GTF2E2: variants seen among roughly 807,000 people sequenced by gnomAD.
GTF2E2 encodes general transcription factor IIE subunit 2.
A neutral mutation model predicts 40.5 loss-of-function variants in GTF2E2; 21 were observed. The ratio of observed to expected loss-of-function variants is 0.52; its 90% CI spans 0.37 to 0.75. The LOEUF (loss-of-function observed/expected upper bound fraction) is 0.75, where lower values mean the gene tolerates loss of function less well. Ranked by LOEUF, GTF2E2 falls within the 30% of genes least tolerant of loss-of-function variation. GTF2E2 has a pLI of 0.00. For synonymous variants in GTF2E2, 117 were observed against 121.6 expected (o/e 0.96, Z 0.25); for missense variants, 298 against 338.4 (o/e 0.88, Z 0.94).
At chr8:30,579,892 C>T (rs751123709) in intron 7 of GTF2E2, among the ~76,000 whole-genome samples, 25 of 152,168 alleles carry the variant, frequency 1.6e-4, no homozygotes, top group Non-Finnish European at 2.8e-4. Context: ...GGCACCAGGA[C>T]GGCGAGGCTC....
At chr8:30,656,399 AT>A (rs1205877449) in intron 1 of GTF2E2, among the ~76,000 whole-genome samples, 3 of 152,216 alleles carry the variant, frequency 2.0e-5, no homozygotes, top group East Asian at 3.8e-4. Context: ...AGAAAGGAGA[AT>A]TGTCAAGTGA....
chr8:30,626,443 C>A (rs1801276814), intron 3 of GTF2E2, among the ~76,000 whole-genome samples: 1 of 152,170 alleles, frequency 6.6e-6, no homozygotes, highest in Admixed American at 6.5e-5. Flanking sequence ...CGAGATCACG[C>A]CATTGCACTC....
intron 1 of GTF2E2, among the ~76,000 whole-genome samples, chr8:30,654,469 C>G (rs113206321): frequency 0.011 from 1,628 of 152,158 alleles, 36 homozygotes; most frequent in African/African-American, 0.037. Flanking sequence ...GTGGTGTGAT[C>G]ATAGCTCAAT....
At chr8:30,631,852 T>G (rs1187266739) in intron 3 of GTF2E2, among the ~76,000 whole-genome samples, 3 of 152,244 alleles carry the variant, frequency 2.0e-5, no homozygotes, top group South Asian at 2.1e-4. Context: ...TCCCAGCACT[T>G]CAGGAGGCTG....
chr8:30,593,498 CCTTTTT>C (rs1344444385), intron 6 of GTF2E2, among the ~76,000 whole-genome samples: 1 of 152,154 alleles, frequency 6.6e-6, no homozygotes, highest in Non-Finnish European at 1.5e-5. Context: ...TATGTAACGT[CCTTTTT>C]CTTTTTGAGA....
At chr8:30,643,236 T>C (rs575986225) in intron 2 of GTF2E2, among the ~76,000 whole-genome samples, 2 of 152,276 alleles carry the variant, frequency 1.3e-5, no homozygotes, top group Non-Finnish European at 2.9e-5. Context: ...GTCCTCACCA[T>C]TGGGAGATAT....
At chr8:30,601,624 G>T (rs943273199) in intron 6 of GTF2E2, among the ~76,000 whole-genome samples, 1 of 152,166 alleles carries the variant, frequency 6.6e-6, no homozygotes, top group African/African-American at 2.4e-5. Context: ...TCCTTCTTAA[G>T]AGGGACACAG....
intron 2 of GTF2E2, among the ~76,000 whole-genome samples, chr8:30,647,678 T>C (rs914100889): frequency 6.6e-6 from 1 of 152,242 alleles, no homozygotes; most frequent in Non-Finnish European, 1.5e-5. Flanking sequence ...ACAAATAATA[T>C]AACCAACTTT....
chr8:30,598,866 A>C (rs1239580416), intron 6 of GTF2E2, among the ~76,000 whole-genome samples: 1 of 152,228 alleles, frequency 6.6e-6, no homozygotes, highest in African/African-American at 2.4e-5. Context: ...TTTTAAAACA[A>C]GACAATCTTT....
At chr8:30,649,129 T>C (rs1416930163) in intron 2 of GTF2E2, among the ~76,000 whole-genome samples, 1 of 152,278 alleles carries the variant, frequency 6.6e-6, no homozygotes, top group Middle Eastern at 3.4e-3. Context: ...GTACATTTCA[T>C]TGGAACGACA....
At chr8:30,595,095 T>TA (rs944474344) in intron 6 of GTF2E2, among the ~76,000 whole-genome samples, 1 of 152,234 alleles carries the variant, frequency 6.6e-6, no homozygotes, top group Admixed American at 6.5e-5. Flanking sequence ...ATTGGCTTAT[T>TA]ACATTTTTTT....
At chr8:30,605,766 T>C (rs1387692656) in intron 6 of GTF2E2, among the ~76,000 whole-genome samples, 1 of 152,116 alleles carries the variant, frequency 6.6e-6, no homozygotes, top group African/African-American at 2.4e-5. Context: ...GTTCAAGCTA[T>C]ACTCTTGTCT....
chr8:30,645,448 G>C (rs748620452), intron 2 of GTF2E2: 1 of 1,535,598 alleles, frequency 6.5e-7, no homozygotes, highest in South Asian at 1.2e-5. Context: ...ATTTACAGTG[G>C]TATCTTTAGT....
intron 2 of GTF2E2, 50 bp from the exon 3 acceptor site, chr8:30,635,173 T>G: frequency 1.0e-6 from 1 of 988,414 alleles, no homozygotes; most frequent in Non-Finnish European, 1.6e-6. Context: ...TGATTATGAC[T>G]CTTGAGCAGC....
At chr8:30,645,750 CTGTT>C (rs1194485592) in intron 2 of GTF2E2, 2 of 703,940 alleles carry the variant, frequency 2.8e-6, no homozygotes, top group Admixed American at 3.0e-5. Context: ...TAAACATGCA[CTGTT>C]TGTGTGTATA....
intron 3 of GTF2E2, among the ~76,000 whole-genome samples, chr8:30,619,129 A>C (rs1563491237): frequency 6.6e-6 from 1 of 151,972 alleles, no homozygotes; most frequent in Non-Finnish European, 1.5e-5. Context: ...TTTAGTAAAG[A>C]CGAGGTTTCA....
intron 6 of GTF2E2, among the ~76,000 whole-genome samples, chr8:30,599,972 A>T (rs2151118657): frequency 6.6e-6 from 1 of 152,226 alleles, no homozygotes; most frequent in Middle Eastern, 3.4e-3. Flanking sequence ...ACAAAGCGAG[A>T]CTCTGTCTCA....
chr8:30,609,277 A>G (rs909705393), intron 5 of GTF2E2, among the ~76,000 whole-genome samples: 32 of 102,666 alleles, frequency 3.1e-4, no homozygotes, highest in African/African-American at 1.0e-3. Flanking sequence ...AAAAAAAAAA[A>G]AAAGAGAAAG....
chr8:30,587,602 G>A (rs1828718861), intron 6 of GTF2E2, among the ~76,000 whole-genome samples: 1 of 150,256 alleles, frequency 6.7e-6, no homozygotes, highest in African/African-American at 2.4e-5. Flanking sequence ...GCCAGGCACA[G>A]TGGCTCATGC....
Sources: gnomAD v4.1 joint callset for allele counts (sites outside exome capture counted in the v4.1 genomes callset) on GRCh38, gnomAD v4.1.1 for gene constraint, MANE v1.5 for transcripts, NCBI Gene and HGNC (gene_info 2026-07-23, HGNC 2026-07-21) for gene names.